The following TENM2 variants were observed in gnomAD, a reference collection of about 807,000 sequenced individuals.
The protein encoded by TENM2 is teneurin transmembrane protein 2.
In TENM2, 52 loss-of-function variants were observed where a neutral mutation model predicts 245.2. The ratio of observed to expected loss-of-function variants is 0.21; its 90% CI spans 0.17 to 0.27. The LOEUF is 0.27. TENM2 is among the 10% of genes least tolerant of loss of function. The pLI is 1.00. For missense variants in TENM2, 3,046 were observed against 3,666.8 expected, an observed-to-expected ratio of 0.83 and a Z score of 4.37; for synonymous variants, 1,363 against 1,438.9, an observed-to-expected ratio of 0.95 and a Z score of 1.19.
chr5:168,000,950 A>G lies in TENM2; in HGVS notation c.1186+7768A>G, dbSNP rs375793251. On this transcript the variant is annotated intron_variant, in intron 5 of 28. Coordinates refer to ENST00000518659, the Ensembl canonical transcript of TENM2. ...TACTAGCCACTGCACACCAGGTCCA[A>G]TGAGACCTGCATTGGACTGCATGCC... Among the ~76,000 whole-genome samples the G allele has an allele frequency of 5.5e-5, 3 of 54,536 alleles. No homozygotes were observed. In the East Asian group the frequency reaches 1.5e-3, roughly 28 times the overall value. 35.8% of individuals were successfully genotyped at this position (54,536 alleles called of 152,430 possible). A position where few individuals can be genotyped will look rare whatever the true frequency, so the allele number is the denominator to read the frequency against.
intron 3 of TENM2, among the ~76,000 whole-genome samples, chr5:167,910,568 C>T (rs1776467089): frequency 6.6e-6 from 1 of 152,112 alleles, no homozygotes; most frequent in South Asian, 2.1e-4. Flanking sequence ...CTCCAAGATC[C>T]GAACTGTTCT....
rs377694280 is a variant in TENM2, at chr5:168,152,572, C to T, written c.2423-10039C>T. The stretch of plus-strand genomic sequence containing the variant: ...AAAATAACAAATAAGAAATCAAAGT[C>T]GTGCTTTGTCCCTATTTCCATACTG... On this transcript the variant is annotated intron_variant, in intron 12 of 28. Transcript: ENST00000518659. Among the ~76,000 whole-genome samples the T allele has an allele frequency of 6.6e-5, 10 of 152,292 alleles. No homozygotes were observed. The East Asian group carries it at 1.2e-3, about 18-fold the overall frequency.
At chr5:167,023,161 G>A in the TENM2 span, among the ~76,000 whole-genome samples, 2 of 152,234 alleles carry the variant, frequency 1.3e-5, no homozygotes, top group East Asian at 1.9e-4. Flanking sequence ...TAATGCTAAC[G>A]TTCTGCTCTA....
the TENM2 span, among the ~76,000 whole-genome samples, chr5:167,251,543 A>T: frequency 6.6e-6 from 1 of 152,300 alleles, no homozygotes; most frequent in Admixed American, 6.5e-5. Flanking sequence ...GAGAGCAAGC[A>T]CAAGCTAAGG....
At chr5:167,364,408 G>T (rs554857232) in intron 1 of TENM2, among the ~76,000 whole-genome samples, 40 of 152,166 alleles carry the variant, frequency 2.6e-4, no homozygotes, top group African/African-American at 9.6e-4. Flanking sequence ...GGAAAATGCA[G>T]GGAGCACAAA....
intron 13 of TENM2, among the ~76,000 whole-genome samples, chr5:168,169,467 A>G (rs1758605795): frequency 6.6e-6 from 1 of 152,180 alleles, no homozygotes; most frequent in Non-Finnish European, 1.5e-5. Flanking sequence ...GGTCTAAATG[A>G]GGAGAAATAA....
intron 2 of TENM2, among the ~76,000 whole-genome samples, chr5:167,714,011 AATAGAAGAAAC>A (rs1158370577): frequency 6.6e-6 from 1 of 152,212 alleles, no homozygotes; most frequent in Non-Finnish European, 1.5e-5. Flanking sequence ...AACCTGCCTG[AATAGAAGAAAC>A]ATCAAATCAC....
chr5:167,179,225 C>T, the TENM2 span, among the ~76,000 whole-genome samples: 1 of 152,260 alleles, frequency 6.6e-6, no homozygotes, highest in Admixed American at 6.5e-5. Flanking sequence ...TACTTCACCG[C>T]TTGCATGATT....
chr5:167,500,287 G>C (rs781282700), intron 2 of TENM2, among the ~76,000 whole-genome samples: 9 of 151,984 alleles, frequency 5.9e-5, no homozygotes, highest in Admixed American at 4.6e-4. Context: ...TGTTCTGTCT[G>C]ATAATTCCTG....
chr5:167,638,621 A>C (rs1276810523), intron 2 of TENM2, among the ~76,000 whole-genome samples: 1 of 152,262 alleles, frequency 6.6e-6, no homozygotes, highest in East Asian at 1.9e-4. Flanking sequence ...CTATTAAATT[A>C]ACAAGCATAT....
intron 5 of TENM2, among the ~76,000 whole-genome samples, chr5:168,019,470 G>A (rs1785951398): frequency 6.6e-6 from 1 of 152,164 alleles, no homozygotes; most frequent in African/African-American, 2.4e-5. Flanking sequence ...GGAGACATGA[G>A]GGAGACATCA....
chr5:167,177,339 T>C, the TENM2 span, among the ~76,000 whole-genome samples: 1 of 152,168 alleles, frequency 6.6e-6, no homozygotes, highest in Non-Finnish European at 1.5e-5. Flanking sequence ...TATCCAAAAC[T>C]TCCTCTTTAA....
intron 1 of TENM2, among the ~76,000 whole-genome samples, chr5:167,318,153 A>G (rs1036986392): frequency 6.6e-6 from 1 of 152,138 alleles, no homozygotes; most frequent in African/African-American, 2.4e-5. Flanking sequence ...AGTGTATATA[A>G]ATGGCTTCAG....
rs1191717159 is a variant in TENM2 at position 167,321,782 on chromosome 5, C to CTTTTTTTTTT, written c.226+36721_226+36722insTTTTTTTTTT. 1.1e-3 allele frequency among the ~76,000 whole-genome samples: 63 copies of CTTTTTTTTTT among 59,754 alleles called. 18 individuals are homozygous for CTTTTTTTTTT. The highest frequency in any genetic ancestry group is 1.1e-3 in the Admixed American group (4 of 3,532). The allele number at this position is 59,754 out of a possible 152,430, so 39.2% of individuals were successfully genotyped here. A position where few individuals can be genotyped will look rare whatever the true frequency, so the allele number is the denominator to read the frequency against. Reference sequence around the variant, plus strand: ...TGAATCTGTTGTCTTGCTGCCTTGGCTTATTTTTTTTTTTTTTTTGGGGGG... The same window carrying CTTTTTTTTTT: ...TGAATCTGTTGTCTTGCTGCCTTGGCTTTTTTTTTTTTATTTTTTTTTTTTTTTTGGGGGG... On this transcript the variant is annotated intron_variant, in intron 1 of 28. Transcript: ENST00000518659.
At chr5:168,213,030 C>T (rs1241323293) in intron 20 of TENM2, among the ~76,000 whole-genome samples, 1 of 152,198 alleles carries the variant, frequency 6.6e-6, no homozygotes, top group Non-Finnish European at 1.5e-5. Flanking sequence ...TGTGCAATGC[C>T]TTGATCCTTC....
At chr5:167,629,253 G>A (rs1442634760) in intron 2 of TENM2, among the ~76,000 whole-genome samples, 2 of 152,146 alleles carry the variant, frequency 1.3e-5, no homozygotes, top group Non-Finnish European at 2.9e-5. Context: ...TTCTAGATCT[G>A]TGACATTAGG....
the TENM2 span, among the ~76,000 whole-genome samples, chr5:167,036,589 T>C: frequency 3.4e-4 from 52 of 152,314 alleles, no homozygotes; most frequent in African/African-American, 1.3e-3. Context: ...CTTACTATAT[T>C]CTATTGAGAT....
chr5:168,194,026 G>A (rs1029668009), intron 14 of TENM2, among the ~76,000 whole-genome samples: 15 of 152,156 alleles, frequency 9.9e-5, no homozygotes, highest in South Asian at 2.1e-4. Flanking sequence ...AGAGAGATGC[G>A]TGGAGACAGC....
chr5:167,960,126 G>A (rs1780886118), intron 4 of TENM2, among the ~76,000 whole-genome samples: 1 of 152,232 alleles, frequency 6.6e-6, no homozygotes, highest in Non-Finnish European at 1.5e-5. Flanking sequence ...TGAGGTGTCT[G>A]TCAACCCATG....
Sources: allele counts gnomAD v4.1 joint callset (sites outside exome capture counted in the v4.1 genomes callset), GRCh38; gene constraint gnomAD v4.1.1; transcripts MANE v1.5; gene names NCBI Gene and HGNC (gene_info 2026-07-23, HGNC 2026-07-21).